CADM3: variants seen among roughly 807,000 people sequenced by gnomAD.
CADM3 encodes the protein TSLC1-like 1.
CADM3 carries 11 observed loss-of-function variants against 44.9 expected under a neutral mutation model. That is an observed-to-expected ratio of 0.25 (90% CI 0.15 to 0.41). The LOEUF (loss-of-function observed/expected upper bound fraction) is 0.41, where lower values mean the gene tolerates loss of function less well. CADM3 is among the 10% of genes least tolerant of loss of function. The pLI is 1.00. For missense variants in CADM3, 426 were observed against 512.0 expected (o/e 0.83, Z 1.62); for synonymous variants, 207 against 205.2 (o/e 1.01, Z -0.08).
intron 1 of CADM3, chr1:159,189,816 T>A (rs1557934756): frequency 6.2e-7 from 1 of 1,607,902 alleles, no homozygotes. Flanking sequence ...CTGGCTCCAC[T>A]CGACGAGGCC....
At chr1:159,189,858 T>C in intron 1 of CADM3, 1 of 1,601,396 alleles carries the variant, frequency 6.2e-7, no homozygotes, top group South Asian at 1.1e-5. Flanking sequence ...AGCCCTGACA[T>C]GCTGGCCAGT....
At chr1:159,181,510 T>C (rs1402498633) in intron 1 of CADM3, among the ~76,000 whole-genome samples, 1 of 145,454 alleles carries the variant, frequency 6.9e-6, no homozygotes, top group African/African-American at 2.6e-5. Flanking sequence ...CTAGAGGTCC[T>C]CACTGAGCCC....
At chr1:159,175,355 G>A (rs1648978168) in intron 1 of CADM3, among the ~76,000 whole-genome samples, 1 of 152,218 alleles carries the variant, frequency 6.6e-6, no homozygotes, top group Non-Finnish European at 1.5e-5. Context: ...GTTTCATGTA[G>A]GTCCTAATGT....
intron 8 of CADM3, among the ~76,000 whole-genome samples, chr1:159,200,185 T>A (rs1390707832): frequency 2.0e-5 from 3 of 152,232 alleles, no homozygotes; most frequent in Non-Finnish European, 4.4e-5. Flanking sequence ...AGAGAGCTCC[T>A]GAAACTGCAT....
chr1:159,177,030 A>G (rs1424458234), intron 1 of CADM3, among the ~76,000 whole-genome samples: 1 of 152,068 alleles, frequency 6.6e-6, no homozygotes, highest in Non-Finnish European at 1.5e-5. Flanking sequence ...CTCATACCCT[A>G]CCTGACGAAA....
chr1:159,196,197 A>G (rs1571023763), intron 5 of CADM3, 167 bp from the exon 6 acceptor site: 1 of 584,926 alleles, frequency 1.7e-6, no homozygotes, highest in Non-Finnish European at 3.1e-6. Context: ...CACATATTCA[A>G]TAGCAATAAT....
chr1:159,182,506 T>C, intron 1 of CADM3, among the ~76,000 whole-genome samples: 1 of 152,230 alleles, frequency 6.6e-6, no homozygotes, highest in East Asian at 1.9e-4. Flanking sequence ...TAAACCTCTC[T>C]GAGCCTTGGT....
intron 1 of CADM3, among the ~76,000 whole-genome samples, chr1:159,181,056 C>G (rs931773821): frequency 6.6e-6 from 1 of 152,084 alleles, no homozygotes; most frequent in Non-Finnish European, 1.5e-5. Flanking sequence ...ATATTCTTTA[C>G]TTCTGATTTT....
chr1:159,182,057 G>GAC (rs376492660), intron 1 of CADM3, among the ~76,000 whole-genome samples: 7,857 of 143,960 alleles, frequency 0.055, 234 homozygotes, highest in Middle Eastern at 0.1. Flanking sequence ...CACACAGACA[G>GAC]ACACACACAC....
intron 8 of CADM3, among the ~76,000 whole-genome samples, chr1:159,200,360 C>T (rs1034225843): frequency 3.3e-5 from 5 of 152,208 alleles, no homozygotes; most frequent in African/African-American, 1.2e-4. Flanking sequence ...TCTCAGACTT[C>T]CTGCTCTGCT....
At position 159,171,825 on chromosome 1, in the gene CADM3, G is replaced by T; in HGVS notation, c.60G>T (p.Ala20=). The T allele has an allele frequency of 8.0e-7, 1 of 1,245,388 alleles. No homozygotes were observed. The allele number at this position is 1,245,388 out of a possible 1,614,324, so 77.1% of individuals were successfully genotyped here. ...TCCTGCTGTTCGCCTGCTGCTGGGC[G>T]CCCGGCGGGGCCAACCTCTCCCAGG... ...LLLLLFACCW[A]PGGANLSQDD... Residue 20 remains alanine, a synonymous_variant, in exon 1 of 9, where the codon GCG becomes GCT. Transcript: ENST00000368125.
intron 6 of CADM3, 75 bp from the exon 7 acceptor site, chr1:159,196,816 C>T: frequency 7.2e-7 from 1 of 1,394,734 alleles, no homozygotes; most frequent in Non-Finnish European, 9.9e-7. Flanking sequence ...ATCCCTGCTC[C>T]CAGTTATTTT....
At chr1:159,191,821 A>G (rs1302815948) in intron 1 of CADM3, 115 bp from the exon 2 acceptor site, 4 of 1,189,082 alleles carry the variant, frequency 3.4e-6, no homozygotes, top group Admixed American at 2.0e-5. Context: ...GTACACAGAG[A>G]CCTTGTGTAC....
intron 1 of CADM3, among the ~76,000 whole-genome samples, chr1:159,173,955 G>A (rs1035366176): frequency 5.3e-5 from 8 of 152,212 alleles, no homozygotes; most frequent in African/African-American, 1.9e-4. Flanking sequence ...TTAAAGTTGA[G>A]AGGAAGAGAA....
chr1:159,193,554 C>G lies in CADM3; in HGVS notation c.514C>G (p.Leu172Val), dbSNP rs1423378272. 1.1e-5 allele frequency: 18 copies of G among 1,614,064 alleles called. No homozygotes were observed. Among genetic ancestry groups the G allele is most frequent in the African/African-American group, 2.7e-5 (2 of 74,922 alleles). Residue 172 changes from leucine to valine, a missense_variant, in exon 4 of 9, where the codon CTC (leucine) becomes GTC (valine). Leu to Val is a conservative substitution (Grantham distance 32). Around this residue, in one of 2 missense-constraint regions of CADM3, gnomAD observed 362 missense variants for 474.6 expected, o/e 0.76. Transcript: ENST00000368125. ...CACCTGGAGAAAGGGTGACCAAGAA[C>G]TCCACGGTGAGTACCTCCTGCCTTG... ...RLTWRKGDQE[L>V]HGEPTRIQED...
rs534526696 is a variant in CADM3, at chr1:159,173,029, G to C, written c.88+1176G>C. On this transcript the variant is annotated intron_variant, in intron 1 of 8. Transcript: ENST00000368125. The stretch of plus-strand genomic sequence containing the variant: ...CCCCCACCGCCCTGTCGGAAGAGGA[G>C]GAGGGCTGGGATGGAGGAAGGGGGA... Among the ~76,000 whole-genome samples the C allele has an allele frequency of 2.0e-5, 3 of 152,238 alleles. No individual in the cohort carries two copies. The South Asian group carries it at 6.2e-4, about 32-fold the overall frequency.
intron 6 of CADM3, 24 bp from the exon 7 acceptor site, chr1:159,196,867 C>G (rs1348409189): frequency 2.5e-6 from 4 of 1,611,788 alleles, no homozygotes; most frequent in Non-Finnish European, 3.4e-6. Flanking sequence ...CTCCTGAGCT[C>G]TTCTGATTTG....
intron 8 of CADM3, 152 bp downstream of exon 8, chr1:159,200,028 A>G: frequency 3.0e-6 from 3 of 987,426 alleles, no homozygotes; most frequent in Non-Finnish European, 4.5e-6. Flanking sequence ...AGCCAACCCT[A>G]TCATTGCCAA....
intron 7 of CADM3, 133 bp from the exon 8 acceptor site, chr1:159,199,618 T>G: frequency 8.9e-7 from 1 of 1,123,128 alleles, no homozygotes; most frequent in South Asian, 1.3e-5. Context: ...TAAGGCATGA[T>G]GAATGACACT....
Sources: allele counts gnomAD v4.1 joint callset (sites outside exome capture counted in the v4.1 genomes callset), GRCh38; gene constraint gnomAD v4.1.1; regional missense constraint gnomAD v4.1.1; transcripts MANE v1.5; gene names NCBI Gene and HGNC (gene_info 2026-07-23, HGNC 2026-07-21).